Variants in PCDHGA7 observed in about 807,000 individuals in gnomAD.
PCDHGA7 encodes the protein protocadherin gamma-A7.
A neutral mutation model predicts 58.3 loss-of-function variants in PCDHGA7; 44 were observed. That is an observed-to-expected ratio of 0.75 (90% CI 0.59 to 0.97). The LOEUF (loss-of-function observed/expected upper bound fraction) is 0.97. Among genes scored for constraint, PCDHGA7 ranks in the 50% least tolerant of loss-of-function variants. The pLI is 0.00. For synonymous variants in PCDHGA7, 516 were observed against 504.2 expected (o/e 1.02, Z -0.31); for missense variants, 1,266 against 1,188.7 (o/e 1.06, Z -0.96).
intron 1 of PCDHGA7, chr5:141,393,026 G>A (rs1215893899): frequency 1.2e-6 from 2 of 1,613,832 alleles, no homozygotes; most frequent in East Asian, 4.5e-5. Context: ...CCAGAGGTAG[G>A]ACGCAGCTCT....
rs1417059875 is a variant in PCDHGA7 at position 141,496,499 on chromosome 5, G to C, written c.2483+1634G>C. 2.6e-5 allele frequency among the ~76,000 whole-genome samples: 4 copies of C among 152,102 alleles called. No individual in the cohort carries two copies. In the East Asian group the frequency reaches 7.7e-4, roughly 29 times the overall value. On this transcript the variant is annotated intron_variant, in intron 2 of 3. Coordinates refer to ENST00000518325, the MANE Select transcript of PCDHGA7 (RefSeq NM_018920.4). ...TCCTGCAACCAACCAAACCCTTGTT[G>C]CCACAAGGACCCAGGAGCCCTTGGT...
At position 141,409,019 on chromosome 5, in the gene PCDHGA7, G is replaced by T; in HGVS notation, c.2424+23696G>T. 2.5e-6 allele frequency: 4 copies of T among 1,613,996 alleles called. No homozygotes were observed. The South Asian group carries it at 3.3e-5, about 13-fold the overall frequency. On this transcript the variant is annotated intron_variant, in intron 1 of 3. Coordinates refer to ENST00000518325, the MANE Select transcript of PCDHGA7 (RefSeq NM_018920.4). The stretch of plus-strand genomic sequence containing the variant: ...GACAGCCACTGACCAGGATGAGGGG[G>T]TCAATGCTGAGATAAACTACTACTT...
intron 1 of PCDHGA7, chr5:141,390,025 G>GA (rs2092024046): frequency 1.2e-6 from 2 of 1,613,882 alleles, no homozygotes; most frequent in Non-Finnish European, 1.7e-6. Context: ...TTGCGCCTGC[G>GA]ACGCTCCTCC....
chr5:141,490,700 C>T lies in PCDHGA7; in HGVS notation c.2425-4107C>T. The T allele has an allele frequency of 6.2e-7, 1 of 1,614,152 alleles. No individual in the cohort carries two copies. Among genetic ancestry groups the T allele is most frequent in the Non-Finnish European group, 8.5e-7 (1 of 1,179,984 alleles). ...TCAGATCCAGACACTGGGGATAATG[C>T]CCGCCTCACCTACTCCATTGTAGGA... On this transcript the variant is annotated intron_variant, in intron 1 of 3. Transcript: ENST00000518325. This position sits in a 1 kb window ranked among gnomAD's most constrained non-coding sequence, Gnocchi z 5.4.
chr5:141,466,099 G>A (rs879849411), intron 1 of PCDHGA7, among the ~76,000 whole-genome samples: 2 of 151,938 alleles, frequency 1.3e-5, no homozygotes, highest in Non-Finnish European at 2.9e-5. Context: ...TCCAGCCTGG[G>A]CAACAGAGTG....
rs774563598 is a variant in PCDHGA7 at position 141,431,225 on chromosome 5, C to T, written c.2424+45902C>T. 16 of 1,614,118 alleles carry T rather than the reference C, an allele frequency of 9.9e-6. No individual in the cohort carries two copies. The highest frequency in any genetic ancestry group is 1.2e-5 in the Non-Finnish European group (14 of 1,180,036). On this transcript the variant is annotated intron_variant, in intron 1 of 3. Transcript: ENST00000518325. The surrounding 1 kb of genome is among the most constrained non-coding windows in gnomAD (Gnocchi z 4.8). ...CACTGAGATGCGGTTCCCTCTACCC[C>T]ACGCCTGGGATCCGGATATCGGGAA...
intron 1 of PCDHGA7, chr5:141,413,874 T>C: frequency 6.2e-7 from 1 of 1,613,424 alleles, no homozygotes; most frequent in Non-Finnish European, 8.5e-7. Context: ...TCCTTGTCAG[T>C]GTGACTGTCT....
intron 2 of PCDHGA7, among the ~76,000 whole-genome samples, chr5:141,500,774 A>G (rs1479931234): frequency 6.6e-6 from 1 of 152,188 alleles, no homozygotes; most frequent in Non-Finnish European, 1.5e-5. Context: ...TCTTATGAAT[A>G]TACATATTAT....
rs1433429634 is a variant in PCDHGA7 at position 141,486,311 on chromosome 5, G to T, written c.2425-8496G>T. 1.2e-6 allele frequency: 2 copies of T among 1,613,956 alleles called. No homozygotes were observed. Among genetic ancestry groups the T allele is most frequent in the African/African-American group, 2.7e-5 (2 of 74,892 alleles). On this transcript the variant is annotated intron_variant, in intron 1 of 3. Transcript: ENST00000518325. The surrounding 1 kb of genome is among the most constrained non-coding windows in gnomAD (Gnocchi z 5.0). The stretch of plus-strand genomic sequence containing the variant: ...TATCAGTGTGCAGGATCCAGACTCA[G>T]GGTCAAACGGAGATGTGAGCCTCCG...
Position 141,504,710 on chromosome 5 carries a change from G to A in PCDHGA7, c.2484-683G>A, listed in dbSNP as rs528205869. The stretch of plus-strand genomic sequence containing the variant: ...AGGAGGGGCAGGTTCTTCTATGGCC[G>A]TGGATTTTACTCTGAGGGCTTAGGA... On this transcript the variant is annotated intron_variant, in intron 2 of 3. Transcript: ENST00000518325. Among the ~76,000 whole-genome samples the A allele has an allele frequency of 1.4e-4, 21 of 151,968 alleles. No homozygotes were observed. The East Asian group carries it at 3.7e-3, about 27-fold the overall frequency.
In PCDHGA7 at chr5:141,431,155, C is replaced by T; in HGVS notation, c.2424+45832C>T. On this transcript the variant is annotated intron_variant, in intron 1 of 3. Transcript: ENST00000518325. This position sits in a 1 kb window ranked among gnomAD's most constrained non-coding sequence, Gnocchi z 4.8. ...GGGACATTAACGACAATGCGCCTTA[C>T]TTTCGTGAAAGTGAATTAGAAATAA... is the stretch of plus-strand genomic sequence containing the variant. 6.2e-7 allele frequency: 1 copy of T among 1,614,212 alleles called. No homozygotes were observed. Among genetic ancestry groups the T allele is most frequent in the Non-Finnish European group, 8.5e-7 (1 of 1,180,032 alleles).
chr5:141,391,885 G>C (rs1250781964), intron 1 of PCDHGA7: 2 of 152,194 alleles, frequency 1.3e-5, no homozygotes, highest in Non-Finnish European at 2.9e-5. Flanking sequence ...TGGTGAAAGG[G>C]ATGGGATGGA....
In PCDHGA7 at chr5:141,477,928, C is replaced by T; in HGVS notation, c.2425-16879C>T. On this transcript the variant is annotated intron_variant, in intron 1 of 3. Coordinates refer to ENST00000518325, the MANE Select transcript of PCDHGA7 (RefSeq NM_018920.4). This position sits in a 1 kb window ranked among gnomAD's most constrained non-coding sequence, Gnocchi z 4.9. ...GGGACGCGGATGCAGGGCACAATGC[C>T]TGGCTCTCCTACAGTCTCTTGGGAT... The T allele has an allele frequency of 6.2e-7, 1 of 1,614,186 alleles. No individual in the cohort carries two copies.
intron 1 of PCDHGA7, chr5:141,426,887 G>C (rs1309180455): frequency 6.6e-6 from 3 of 456,646 alleles, no homozygotes; most frequent in South Asian, 4.6e-5. Context: ...TGGGCCAGGA[G>C]CAACAGAGCT....
chr5:141,485,426 C>T lies in PCDHGA7; in HGVS notation c.2425-9381C>T. 6.2e-7 allele frequency: 1 copy of T among 1,614,158 alleles called. No individual in the cohort carries two copies. Among genetic ancestry groups the T allele is most frequent in the South Asian group, 1.1e-5 (1 of 91,078 alleles). ...TGTGGATTTGGACAGCGGAGCCCTGCTCATCAAGAACCCAATCGACCGAGA... is the reference window on the plus strand; with the variant it reads ...TGTGGATTTGGACAGCGGAGCCCTGTTCATCAAGAACCCAATCGACCGAGA... On this transcript the variant is annotated intron_variant, in intron 1 of 3. Transcript: ENST00000518325. The surrounding 1 kb of genome is among the most constrained non-coding windows in gnomAD (Gnocchi z 5.7).
chr5:141,405,546 A>G (rs2094684316), intron 1 of PCDHGA7: 1 of 630,658 alleles, frequency 1.6e-6, no homozygotes, highest in Admixed American at 2.9e-5. Context: ...CAGCCTCCCA[A>G]GTAGAGTAGC....
At position 141,473,299 on chromosome 5, in the gene PCDHGA7, G is replaced by A. The variant is rs182316672; in HGVS notation, c.2425-21508G>A. The stretch of plus-strand genomic sequence containing the variant: ...TATTTTACTATGTCAGTAGCATAAA[G>A]ATTGCTATATTAATAAGCATTAAGT... On this transcript the variant is annotated intron_variant, in intron 1 of 3. Coordinates refer to ENST00000518325, the MANE Select transcript of PCDHGA7 (RefSeq NM_018920.4). 5.6e-4 allele frequency among the ~76,000 whole-genome samples: 86 copies of A among 152,346 alleles called. 1 individual carries two copies. The highest frequency in any genetic ancestry group is 1.9e-3 in the African/African-American group (81 of 41,572).
rs1200487646 is a variant in PCDHGA7, at chr5:141,410,571, C to T, written c.2424+25248C>T. 3 of 1,612,028 alleles carry T rather than the reference C, an allele frequency of 1.9e-6. No homozygotes were observed. The highest frequency in any genetic ancestry group is 2.5e-6 in the Non-Finnish European group (3 of 1,179,884). On this transcript the variant is annotated intron_variant, in intron 1 of 3. Coordinates refer to ENST00000518325, the MANE Select transcript of PCDHGA7 (RefSeq NM_018920.4). The stretch of plus-strand genomic sequence containing the variant: ...AGTGTTTCTCCTGGAGCCTTAATTC[C>T]ACCTCATGGTGGGGAGGATTTGACT...
At position 141,383,635 on chromosome 5, in the gene PCDHGA7, C is replaced by G. The variant is rs1226106296; in HGVS notation, c.736C>G (p.Gln246Glu). The G allele has an allele frequency of 3.7e-6, 6 of 1,613,966 alleles. No individual in the cohort carries two copies. The highest frequency in any genetic ancestry group is 5.1e-6 in the Non-Finnish European group (6 of 1,179,910). Residue 246 changes from glutamine (Q) to glutamate (E), a missense_variant, in exon 1 of 4, where the codon CAG (glutamine) becomes GAG (glutamate). Transcript: ENST00000518325. ...CCACACGCCTGTCTTCTCTCTGCCT[C>G]AGTACCAAGTAACTGTCCCCGAGAA... ...NDHTPVFSLP[Q>E]YQVTVPENVP...
Sources: gnomAD v4.1 joint callset for allele counts (sites outside exome capture counted in the v4.1 genomes callset) on GRCh38, gnomAD v4.1.1 for gene constraint, Gnocchi (gnomAD v3.1) non-coding constraint, MANE v1.5 for transcripts, NCBI Gene and HGNC (gene_info 2026-07-23, HGNC 2026-07-21) for gene names.